Variants in ZNF74 observed in about 807,000 individuals in gnomAD.
ZNF74 encodes the protein zinc finger protein 520.
Under a neutral mutation model 17.7 loss-of-function variants are expected in ZNF74, and 12 were observed. The ratio of observed to expected loss-of-function variants is 0.68; its 90% CI spans 0.43 to 1.10. The LOEUF (loss-of-function observed/expected upper bound fraction) is 1.10. Ranked by LOEUF, ZNF74 falls within the 50% of genes least tolerant of loss-of-function variation. The probability of loss-of-function intolerance (pLI) is 0.00; values close to 1 mark genes in which losing one functional copy is unlikely to be tolerated. For synonymous variants in ZNF74, 358 were observed against 362.1 expected (o/e 0.99, Z 0.13); for missense variants, 811 against 881.0 (o/e 0.92, Z 1.01).
chr22:20,396,568 A>G (rs1331510643), intron 2 of ZNF74, among the ~76,000 whole-genome samples: 3 of 151,842 alleles, frequency 2.0e-5, no homozygotes, highest in African/African-American at 7.3e-5. Flanking sequence ...TGGTTCAGCA[A>G]AAAAAAATGT....
Position 20,401,332 on chromosome 22 carries a change from A to T in ZNF74, c.303A>T (p.Pro101=), listed in dbSNP as rs376009402. ...CTCATCTGGAACGAGGCGAGGAGCCATGGAGCATGCAGAGGGAAGTCCCCA... is the reference window on the plus strand; with the variant it reads ...CTCATCTGGAACGAGGCGAGGAGCCTTGGAGCATGCAGAGGGAAGTCCCCA... ...VISHLERGEE[P]WSMQREVPRG... Residue 101 remains proline (P), a synonymous_variant, in exon 4 of 5, where the codon CCA becomes CCT. Coordinates refer to ENST00000400451, the MANE Select transcript of ZNF74 (RefSeq NM_003426.4). The surrounding 1 kb of genome is among the most constrained non-coding windows in gnomAD (Gnocchi z 4.2). 2.5e-6 allele frequency: 4 copies of T among 1,611,304 alleles called. No homozygotes were observed. In the African/African-American group the frequency reaches 5.3e-5, roughly 22 times the overall value.
intron 4 of ZNF74, among the ~76,000 whole-genome samples, chr22:20,404,044 G>A (rs1416638853): frequency 1.3e-5 from 2 of 152,210 alleles, no homozygotes; most frequent in East Asian, 1.9e-4. Context: ...TCTTCTGCAT[G>A]TGTTGGGGCC....
At chr22:20,400,872 G>A (rs1006968952) in intron 3 of ZNF74, 114 bp downstream of exon 3, 2 of 1,331,566 alleles carry the variant, frequency 1.5e-6, no homozygotes, top group African/African-American at 1.5e-5. Flanking sequence ...TCATGGGGTG[G>A]GAAGCAAGGC....
chr22:20,398,027 C>A (rs943847773), intron 2 of ZNF74, among the ~76,000 whole-genome samples: 2 of 152,260 alleles, frequency 1.3e-5, no homozygotes, highest in South Asian at 2.1e-4. Context: ...CTTTAAAGAA[C>A]CTCTCTCCAG....
rs2052428935 is a variant in ZNF74, at chr22:20,406,428, C to T, written c.1395C>T (p.Ile465=). 1.9e-6 allele frequency: 3 copies of T among 1,613,492 alleles called. No homozygotes were observed. The highest frequency in any genetic ancestry group is 3.3e-4 in the Middle Eastern group (2 of 6,058). Residue 465 remains isoleucine (I), a synonymous_variant, in exon 5 of 5, where the codon ATC becomes ATT. Coordinates refer to ENST00000400451, the MANE Select transcript of ZNF74 (RefSeq NM_003426.4). ...CHAYLLVHRR[I]HSGEKPFKCN... ...CGTACCTGCTCGTGCACCGGCGCAT[C>T]CACAGCGGCGAGAAGCCCTTCAAGT...
chr22:20,394,906 G>A, intron 1 of ZNF74: 1 of 539,222 alleles, frequency 1.9e-6, no homozygotes, highest in East Asian at 3.2e-5. Flanking sequence ...GATTGCAGGC[G>A]CGCGCCACCA....
At position 20,406,519 on chromosome 22, in the gene ZNF74, G is replaced by A. The variant is rs1034076906; in HGVS notation, c.1486G>A (p.Gly496Ser). The A allele has an allele frequency of 3.1e-6, 5 of 1,614,148 alleles. No individual in the cohort carries two copies. The highest frequency in any genetic ancestry group is 4.2e-6 in the Non-Finnish European group (5 of 1,180,024). Residue 496 changes from glycine (G) to serine (S), a missense_variant, in exon 5 of 5, where the codon GGC becomes AGC. By Grantham distance (56) the Gly-to-Ser change is moderately conservative (BLOSUM62 0). Coordinates refer to ENST00000400451, the MANE Select transcript of ZNF74 (RefSeq NM_003426.4). ...YLIVHRRIHT[G>S]EKPFDCSQCW... ...CATCGTGCACCGGCGCATCCACACAGGCGAGAAGCCCTTCGACTGCAGCCA... is the reference window on the plus strand; with the variant it reads ...CATCGTGCACCGGCGCATCCACACAAGCGAGAAGCCCTTCGACTGCAGCCA...
intron 2 of ZNF74, among the ~76,000 whole-genome samples, chr22:20,395,765 A>G (rs1341922057): frequency 6.6e-6 from 1 of 152,140 alleles, no homozygotes; most frequent in Non-Finnish European, 1.5e-5. Context: ...CGTGCTGGCC[A>G]GGGGTTGGTG....
chr22:20,405,491 C>A lies in ZNF74; in HGVS notation c.458C>A (p.Ala153Glu), dbSNP rs1419307615. The change falls in exon 5 of 5, where the codon GCA becomes GAA. Residue 153 changes from alanine to glutamate, a missense_variant. Physicochemically the swap from Ala to Glu is moderately radical, Grantham distance 107. Around this residue, in one of 3 missense-constraint regions of ZNF74, gnomAD observed 666 missense variants for 702.3 expected, o/e 0.95. Coordinates refer to ENST00000400451, the MANE Select transcript of ZNF74 (RefSeq NM_003426.4). ...GGGGCGCAGGCGTGGGGGCGCCAGG[C>A]AGGTGCTCTGCAGAGGAGTCAGGCT... ...LGGAQAWGRQ[A>E]GALQRSQAAP... The A allele has an allele frequency of 4.4e-6, 7 of 1,607,498 alleles. No homozygotes were observed. The highest frequency in any genetic ancestry group is 5.9e-6 in the Non-Finnish European group (7 of 1,177,864).
chr22:20,394,905 C>A (rs1314353196), intron 1 of ZNF74: 4 of 537,428 alleles, frequency 7.4e-6, no homozygotes, highest in Non-Finnish European at 1.3e-5. Context: ...GGATTGCAGG[C>A]GCGCGCCACC....
chr22:20,402,338 G>A (rs1043039779), intron 4 of ZNF74, among the ~76,000 whole-genome samples: 1 of 152,076 alleles, frequency 6.6e-6, no homozygotes, highest in African/African-American at 2.4e-5. Context: ...AAGATTACAG[G>A]TTTCAAAAAA....
chr22:20,400,476 T>G, intron 2 of ZNF74, 156 bp from the exon 3 acceptor site: 5 of 771,998 alleles, frequency 6.5e-6, no homozygotes, highest in Non-Finnish European at 8.7e-6. Context: ...GGTCCCCGAA[T>G]TCAGTCATGG....
intron 2 of ZNF74, among the ~76,000 whole-genome samples, chr22:20,396,287 G>C (rs991130700): frequency 6.6e-6 from 1 of 151,922 alleles, no homozygotes; most frequent in Non-Finnish European, 1.5e-5. Flanking sequence ...CACTTCTGTA[G>C]TGTGTCACAA....
At position 20,401,433 on chromosome 22, in the gene ZNF74, A is replaced by G; in HGVS notation, c.343+61A>G. On this transcript the variant is annotated intron_variant, in intron 4 of 4. Transcript: ENST00000400451. This position sits in a 1 kb window ranked among gnomAD's most constrained non-coding sequence, Gnocchi z 4.2. ...AGCACCCCTGGTGGCACCTCCTCCTATGGCCCCTATTTTCCTCCCTCAGTT... is the reference window on the plus strand; with the variant it reads ...AGCACCCCTGGTGGCACCTCCTCCTGTGGCCCCTATTTTCCTCCCTCAGTT... 2 of 1,117,886 alleles carry G rather than the reference A, an allele frequency of 1.8e-6. No individual in the cohort carries two copies. Among genetic ancestry groups the G allele is most frequent in the East Asian group, 2.6e-5 (1 of 39,066 alleles). 69.2% of individuals were successfully genotyped at this position (1,117,886 alleles called of 1,614,324 possible).
Position 20,401,403 on chromosome 22 carries a change from G to C in ZNF74, c.343+31G>C. On this transcript the variant is annotated intron_variant, in intron 4 of 4. Coordinates refer to ENST00000400451, the MANE Select transcript of ZNF74 (RefSeq NM_003426.4). The surrounding 1 kb of genome is among the most constrained non-coding windows in gnomAD (Gnocchi z 4.2). The stretch of plus-strand genomic sequence containing the variant: ...CAGAGGCACAGGTGGAAGGGTGCCA[G>C]CCCCAGCACCCCTGGTGGCACCTCC... 7.0e-7 allele frequency: 1 copy of C among 1,438,404 alleles called. No homozygotes were observed. The highest frequency in any genetic ancestry group is 1.4e-5 in the African/African-American group (1 of 71,328). 89.1% of individuals were successfully genotyped at this position (1,438,404 alleles called of 1,614,324 possible).
intron 4 of ZNF74, among the ~76,000 whole-genome samples, chr22:20,403,902 C>G (rs1336352145): frequency 6.6e-6 from 1 of 152,232 alleles, no homozygotes; most frequent in Non-Finnish European, 1.5e-5. Flanking sequence ...TTGCCAGGGT[C>G]ACCTCTCAGC....
chr22:20,402,230 A>T (rs2052366834), intron 4 of ZNF74, among the ~76,000 whole-genome samples: 1 of 152,100 alleles, frequency 6.6e-6, no homozygotes. Context: ...CCACTGCCAC[A>T]TACCACCCAG....
Position 20,406,628 on chromosome 22 carries a change from A to G in ZNF74, c.1595A>G (p.Glu532Gly), listed in dbSNP as rs1268578431. ...HTGEKPYKCS[E>G]CGRAFSQNHC... ...GGTGAGAAGCCCTACAAGTGCAGCGAGTGCGGCAGAGCCTTCAGCCAGAAC... is the reference window on the plus strand; with the variant it reads ...GGTGAGAAGCCCTACAAGTGCAGCGGGTGCGGCAGAGCCTTCAGCCAGAAC... Residue 532 changes from glutamate (E) to glycine (G), a missense_variant, in exon 5 of 5, where the codon GAG becomes GGG. Coordinates refer to ENST00000400451, the MANE Select transcript of ZNF74 (RefSeq NM_003426.4). 2 of 1,614,134 alleles carry G rather than the reference A, an allele frequency of 1.2e-6. No individual in the cohort carries two copies. Among genetic ancestry groups the G allele is most frequent in the African/African-American group, 1.3e-5 (1 of 74,946 alleles).
rs780889178 is a variant in ZNF74, at chr22:20,405,919, C to A, written c.886C>A (p.Arg296Ser). The A allele has an allele frequency of 2.5e-6, 4 of 1,613,448 alleles. No homozygotes were observed. Among genetic ancestry groups the A allele is most frequent in the Non-Finnish European group, 3.4e-6 (4 of 1,179,864 alleles). ...GAGCACCAACCTTCTGGAGCACCGG[C>A]GCATCCACACCGGCGAGAAGCCCTT... ...TWSTNLLEHRRIHTGEKPFFC... is the reference protein window; with the variant it reads ...TWSTNLLEHRSIHTGEKPFFC... Residue 296 changes from arginine (R) to serine (S), a missense_variant, in exon 5 of 5, where the codon CGC becomes AGC. By Grantham distance (110) the Arg-to-Ser change is moderately radical. Transcript: ENST00000400451.
Sources: allele counts gnomAD v4.1 joint callset (sites outside exome capture counted in the v4.1 genomes callset), GRCh38; gene constraint gnomAD v4.1.1; regional missense constraint gnomAD v4.1.1; non-coding constraint Gnocchi (gnomAD v3.1); transcripts MANE v1.5; gene names NCBI Gene and HGNC (gene_info 2026-07-23, HGNC 2026-07-21).